The following TEX9 variants were observed in gnomAD, a reference collection of about 807,000 sequenced individuals.
TEX9 encodes testis expressed 9, also known as testis-expressed protein 9.
In TEX9, 74 loss-of-function variants were observed where a neutral mutation model predicts 59.6. The observed-to-expected ratio is 1.24, with a 90% confidence interval of 1.03 to 1.51. The LOEUF (loss-of-function observed/expected upper bound fraction) is 1.51, where lower values mean the gene tolerates loss of function less well. TEX9 is among the 40% of genes most tolerant of loss of function. The pLI is 0.00. For synonymous variants in TEX9, 186 were observed against 152.2 expected (o/e 1.22, Z -1.64); for missense variants, 522 against 447.8 (o/e 1.17, Z -1.49).
chr15:56,452,718 C>T, the TEX9 span, among the ~76,000 whole-genome samples: 1 of 151,972 alleles, frequency 6.6e-6, no homozygotes, highest in Admixed American at 6.6e-5. Context: ...CGCGGTTTCA[C>T]CGTGTTAGCC....
chr15:56,323,313 A>T, intron 1 of TEX9: 1 of 208,948 alleles, frequency 4.8e-6, no homozygotes, highest in Non-Finnish European at 1.0e-5. Flanking sequence ...AAAGGTGGAC[A>T]TGAAAAAGTA....
rs567131553 is a variant in TEX9, at chr15:56,349,781, G to C, written c.-106-23660G>C. Among the ~76,000 whole-genome samples, 6 of 150,388 alleles carry C rather than the reference G, an allele frequency of 4.0e-5. No homozygotes were observed. In the South Asian group the frequency reaches 1.0e-3, roughly 26 times the overall value. On this transcript the variant is annotated intron_variant, in intron 1 of 5. Transcript: ENST00000560827. ...TATATACACACGTGTATATACTTGT[G>C]AGTGCATATATATATGTATGTGTGT...
intron 1 of TEX9, among the ~76,000 whole-genome samples, chr15:56,348,507 C>T (rs2046515965): frequency 1.1e-4 from 16 of 152,028 alleles, no homozygotes; most frequent in Admixed American, 1.0e-3. Flanking sequence ...TATATTTTTG[C>T]TAAATAAACA....
intron 1 of TEX9, among the ~76,000 whole-genome samples, chr15:56,330,493 AGATAT>A (rs2046117375): frequency 6.6e-6 from 1 of 152,192 alleles, no homozygotes; most frequent in Admixed American, 6.5e-5. Context: ...TAGTATAATA[AGATAT>A]AAGTACAAGC....
chr15:56,303,085 GAGAT>G (rs2045398345), intron 1 of TEX9, among the ~76,000 whole-genome samples: 1 of 152,204 alleles, frequency 6.6e-6, no homozygotes, highest in South Asian at 2.1e-4. Flanking sequence ...GCTAAAGAGA[GAGAT>G]AGACCCCAAT....
chr15:56,431,571 C>T (rs1357482202), intron 12 of TEX9: 1 of 1,477,288 alleles, frequency 6.8e-7, no homozygotes, highest in South Asian at 1.2e-5. Context: ...TAAAACTACT[C>T]ATGCAATGAA....
intron 1 of TEX9, among the ~76,000 whole-genome samples, chr15:56,296,270 C>G (rs185692426): frequency 1.3e-5 from 2 of 152,262 alleles, no homozygotes; most frequent in Non-Finnish European, 2.9e-5. Flanking sequence ...CTTTTAAAAT[C>G]TAATTACCTA....
chr15:56,282,307 T>C (rs139369150), intron 1 of TEX9, among the ~76,000 whole-genome samples: 77 of 152,312 alleles, frequency 5.1e-4, no homozygotes, highest in South Asian at 1.4e-3. Context: ...AAGTCATTCC[T>C]AATATATTCT....
chr15:56,428,393 A>C, exon 12 of TEX9: 4 of 1,612,376 alleles, frequency 2.5e-6, no homozygotes, highest in South Asian at 2.2e-5. Flanking sequence ...CCAAGATGCT[A>C]TCTTTCACTG....
At chr15:56,421,376 T>C (rs1483725083) in intron 10 of TEX9, among the ~76,000 whole-genome samples, 3 of 151,904 alleles carry the variant, frequency 2.0e-5, no homozygotes, top group Admixed American at 6.5e-5. Context: ...AGAAGTGTTT[T>C]AGAAATGCTA....
At chr15:56,400,387 G>C (rs2048709389) in intron 9 of TEX9, among the ~76,000 whole-genome samples, 1 of 152,146 alleles carries the variant, frequency 6.6e-6, no homozygotes, top group South Asian at 2.1e-4. Context: ...GGGTATTAGG[G>C]ATTGAAGATC....
chr15:56,316,183 G>A (rs200149773), intron 1 of TEX9, among the ~76,000 whole-genome samples: 129,165 of 142,598 alleles, frequency 0.91, 59,736 homozygotes, highest in Non-Finnish European at 1. Context: ...GCTTTGTTCC[G>A]TTGCTGGTAA....
exon 6 of TEX9, chr15:56,389,347 C>T (rs2048102650): frequency 6.2e-7 from 1 of 1,611,016 alleles, no homozygotes; most frequent in Non-Finnish European, 8.5e-7. Context: ...ATCCTGTAAA[C>T]AAGGTTCAAA....
chr15:56,398,339 G>C (rs1395977946), intron 9 of TEX9: 1 of 139,488 alleles, frequency 7.2e-6, no homozygotes, highest in Non-Finnish European at 1.6e-5. Context: ...TTACCTGTTT[G>C]TTTTACCTTC....
At chr15:56,315,769 C>G (rs1323424237) in intron 1 of TEX9, among the ~76,000 whole-genome samples, 1 of 147,112 alleles carries the variant, frequency 6.8e-6, no homozygotes, top group African/African-American at 2.5e-5. Context: ...TCCATTCTCC[C>G]CATCACTTTC....
At chr15:56,348,729 T>C (rs1752213781) in intron 1 of TEX9, among the ~76,000 whole-genome samples, 5 of 152,216 alleles carry the variant, frequency 3.3e-5, no homozygotes, top group Admixed American at 2.6e-4. Context: ...CTTTCCTTTG[T>C]ATTTATACTG....
intron 3 of TEX9, among the ~76,000 whole-genome samples, chr15:56,383,434 A>G (rs1239714670): frequency 2.6e-5 from 4 of 152,212 alleles, no homozygotes; most frequent in African/African-American, 4.8e-5. Flanking sequence ...GTGTTCCTGC[A>G]GAGGGAATGA....
chr15:56,330,641 A>G (rs2046120662), intron 1 of TEX9, among the ~76,000 whole-genome samples: 1 of 152,138 alleles, frequency 6.6e-6, no homozygotes, highest in Non-Finnish European at 1.5e-5. Flanking sequence ...TGCTAGTCTC[A>G]TAGTAACCTC....
chr15:56,376,853 A>T (rs2047478619), intron 3 of TEX9, among the ~76,000 whole-genome samples: 1 of 152,054 alleles, frequency 6.6e-6, no homozygotes, highest in Non-Finnish European at 1.5e-5. Context: ...GAGTTTCCCC[A>T]ATGTTTTCTT....
Sources: gnomAD v4.1 joint callset for allele counts (sites outside exome capture counted in the v4.1 genomes callset) on GRCh38, gnomAD v4.1.1 for gene constraint, MANE v1.5 for transcripts, NCBI Gene and HGNC (gene_info 2026-07-23, HGNC 2026-07-21) for gene names.